PTPRT: variants seen among roughly 807,000 people sequenced by gnomAD.
PTPRT encodes the protein receptor-type tyrosine-protein phosphatase T.
PTPRT carries 56 observed loss-of-function variants against 176.8 expected under a neutral mutation model. The observed-to-expected ratio is 0.32, with a 90% CI of 0.26 to 0.40. The LOEUF (loss-of-function observed/expected upper bound fraction) is 0.40. Among genes scored for constraint, PTPRT ranks in the 10% least tolerant of loss-of-function variants. PTPRT has a pLI of 1.00. For synonymous variants in PTPRT, 783 were observed against 739.0 expected (o/e 1.06, Z -0.96); for missense variants, 1,540 against 1,908.2 (o/e 0.81, Z 3.60).
chr20:43,039,503 A>G (rs1986520242), intron 1 of PTPRT, among the ~76,000 whole-genome samples: 1 of 152,068 alleles, frequency 6.6e-6, no homozygotes, highest in African/African-American at 2.4e-5. Flanking sequence ...AAAAAAAGAA[A>G]GTATATTTTA....
chr20:42,595,062 C>T (rs530990801), intron 7 of PTPRT, among the ~76,000 whole-genome samples: 1 of 152,224 alleles, frequency 6.6e-6, no homozygotes, highest in East Asian at 1.9e-4. Context: ...CCTAGGGGCT[C>T]GTACCACTTG....
intron 13 of PTPRT, among the ~76,000 whole-genome samples, chr20:42,265,305 AT>A (rs1220352771): frequency 6.6e-6 from 1 of 152,058 alleles, no homozygotes; most frequent in Non-Finnish European, 1.5e-5. Context: ...CTGGGTTTGA[AT>A]TCTAGTTTCA....
At chr20:42,413,896 G>C (rs556815305) in intron 9 of PTPRT, among the ~76,000 whole-genome samples, 34 of 152,256 alleles carry the variant, frequency 2.2e-4, no homozygotes, top group Non-Finnish European at 4.6e-4. Flanking sequence ...TGTCACCCAG[G>C]TTGGAGTGCA....
At chr20:42,171,509 A>G (rs1421613964) in intron 16 of PTPRT, among the ~76,000 whole-genome samples, 2 of 152,186 alleles carry the variant, frequency 1.3e-5, no homozygotes, top group Non-Finnish European at 2.9e-5. Flanking sequence ...TGGATATTCA[A>G]TGTGTACTAT....
chr20:42,975,610 T>C (rs1329990524), intron 1 of PTPRT, among the ~76,000 whole-genome samples: 3 of 152,186 alleles, frequency 2.0e-5, no homozygotes, highest in African/African-American at 7.2e-5. Flanking sequence ...CATAGTATTG[T>C]GACGATGCTT....
At chr20:43,055,194 T>G (rs943101924) in intron 1 of PTPRT, among the ~76,000 whole-genome samples, 2 of 152,144 alleles carry the variant, frequency 1.3e-5, no homozygotes, top group Non-Finnish European at 2.9e-5. Context: ...CACCGACCCC[T>G]GAAAACCCAG....
At chr20:43,032,722 T>G (rs1382124752) in intron 1 of PTPRT, among the ~76,000 whole-genome samples, 1 of 152,058 alleles carries the variant, frequency 6.6e-6, no homozygotes, top group Non-Finnish European at 1.5e-5. Context: ...TTACTGCATA[T>G]CCTCCCCTTC....
At chr20:42,597,934 A>G (rs1206343257) in intron 7 of PTPRT, among the ~76,000 whole-genome samples, 2 of 152,086 alleles carry the variant, frequency 1.3e-5, no homozygotes, top group Non-Finnish European at 2.9e-5. Flanking sequence ...AATGTTTACA[A>G]TCTTTGCCAT....
intron 7 of PTPRT, among the ~76,000 whole-genome samples, chr20:42,633,813 AT>A (rs370259695): frequency 0.13 from 11,300 of 84,332 alleles, 1,087 homozygotes; most frequent in Non-Finnish European, 0.19. Context: ...ATATATATAT[AT>A]ATATAATAAA....
intron 7 of PTPRT, among the ~76,000 whole-genome samples, chr20:42,609,264 G>A (rs930155861): frequency 6.6e-6 from 1 of 152,008 alleles, no homozygotes; most frequent in Non-Finnish European, 1.5e-5. Flanking sequence ...AGAGGAGACA[G>A]GATTTCACTA....
rs773468375 is a variant in PTPRT at position 42,911,929 on chromosome 20, G to T, written c.89-25997C>A. Among the ~76,000 whole-genome samples the T allele has an allele frequency of 4.0e-5, 6 of 149,740 alleles. No homozygotes were observed. The East Asian group carries it at 1.2e-3, about 29-fold the overall frequency. On this transcript the variant is annotated intron_variant, in intron 1 of 30. Transcript: ENST00000373187. ...TGTTCTTCTAAAACCCAATTTTAAT[G>T]GTTGCCATCCTGCATGCTGTTAATT...
chr20:42,991,070 C>T (rs143678958), intron 1 of PTPRT, among the ~76,000 whole-genome samples: 124 of 152,180 alleles, frequency 8.1e-4, no homozygotes, highest in Non-Finnish European at 1.5e-3. Flanking sequence ...GGAGAGAAAG[C>T]GGGCGGAACT....
At chr20:42,595,183 C>T (rs748046501) in intron 7 of PTPRT, among the ~76,000 whole-genome samples, 2 of 151,896 alleles carry the variant, frequency 1.3e-5, no homozygotes, top group Non-Finnish European at 2.9e-5. Context: ...ATTCAAAGAA[C>T]CTGGTGTAGT....
At chr20:42,898,483 T>C (rs1397279753) in intron 1 of PTPRT, among the ~76,000 whole-genome samples, 1 of 152,148 alleles carries the variant, frequency 6.6e-6, no homozygotes, top group East Asian at 1.9e-4. Context: ...ACTGGGATTA[T>C]AGGCACTGTC....
At chr20:42,640,437 C>A (rs1325567207) in intron 7 of PTPRT, among the ~76,000 whole-genome samples, 1 of 151,926 alleles carries the variant, frequency 6.6e-6, no homozygotes, top group Non-Finnish European at 1.5e-5. Flanking sequence ...GCTTTGTCGC[C>A]CAGGCTGGAT....
Position 42,701,647 on chromosome 20 carries a change from T to A in PTPRT, c.860-23488A>T, listed in dbSNP as rs117751840. On this transcript the variant is annotated intron_variant, in intron 6 of 30. Transcript: ENST00000373187. ...AGGGTGAACTCAGGACTTGAAATGGTGTGCACAAATTCCAAGGCAGAGCAA... is the reference window on the plus strand; with the variant it reads ...AGGGTGAACTCAGGACTTGAAATGGAGTGCACAAATTCCAAGGCAGAGCAA... Among the ~76,000 whole-genome samples, 113 of 152,192 alleles carry A rather than the reference T, an allele frequency of 7.4e-4. No homozygotes were observed. In the East Asian group the frequency reaches 8.5e-3, roughly 12 times the overall value.
intron 6 of PTPRT, among the ~76,000 whole-genome samples, chr20:42,717,044 G>C (rs1413147107): frequency 1.3e-5 from 2 of 151,720 alleles, no homozygotes; most frequent in Non-Finnish European, 2.9e-5. Context: ...TGTGGGGTGG[G>C]GGGAGGCGGG....
chr20:42,539,658 A>C (rs1001435431), intron 7 of PTPRT, among the ~76,000 whole-genome samples: 3 of 151,794 alleles, frequency 2.0e-5, no homozygotes, highest in African/African-American at 7.2e-5. Flanking sequence ...ACCCACATGC[A>C]TTTAAAAAAA....
At chr20:42,422,440 GA>G (rs1161951816) in intron 9 of PTPRT, among the ~76,000 whole-genome samples, 3 of 152,120 alleles carry the variant, frequency 2.0e-5, no homozygotes, top group Non-Finnish European at 2.9e-5. Flanking sequence ...AAACAAACAT[GA>G]AAACATGCTC....
Sources: allele counts gnomAD v4.1 joint callset (sites outside exome capture counted in the v4.1 genomes callset), GRCh38; gene constraint gnomAD v4.1.1; transcripts MANE v1.5; gene names NCBI Gene and HGNC (gene_info 2026-07-23, HGNC 2026-07-21).